The following DNAJC17 variants were observed in gnomAD, a reference collection of about 807,000 sequenced individuals.
DNAJC17 encodes the protein dnaJ homolog subfamily C member 17.
A neutral mutation model predicts 48.1 loss-of-function variants in DNAJC17; 35 were observed. The ratio of observed to expected loss-of-function variants is 0.73; its 90% CI spans 0.56 to 0.96. The LOEUF is 0.96. Among genes scored for constraint, DNAJC17 ranks in the 50% least tolerant of loss-of-function variants. DNAJC17 has a pLI of 0.00. For missense variants in DNAJC17, 355 were observed against 377.1 expected, an observed-to-expected ratio of 0.94 and a Z score of 0.48; for synonymous variants, 117 against 142.7, an observed-to-expected ratio of 0.82 and a Z score of 1.28.
At chr15:40,804,388 G>A (rs570579958) in intron 1 of DNAJC17, among the ~76,000 whole-genome samples, 10 of 151,604 alleles carry the variant, frequency 6.6e-5, no homozygotes, top group African/African-American at 2.2e-4. Context: ...CACCAGCCTG[G>A]GCAATATAGC....
intron 1 of DNAJC17, among the ~76,000 whole-genome samples, chr15:40,784,820 G>A (rs1185724872): frequency 2.0e-5 from 3 of 152,144 alleles, no homozygotes; most frequent in Admixed American, 1.3e-4. Context: ...TCTCTGGGCC[G>A]GGCGTGTTGG....
chr15:40,771,306 GA>G, intron 10 of DNAJC17: 1 of 453,996 alleles, frequency 2.2e-6, no homozygotes, highest in Non-Finnish European at 4.0e-6. Context: ...GCTATGCCGG[GA>G]AAGGGAGGCT....
chr15:40,788,326 G>T (rs1889696327), intron 1 of DNAJC17, among the ~76,000 whole-genome samples: 1 of 152,158 alleles, frequency 6.6e-6, no homozygotes, highest in Admixed American at 6.5e-5. Context: ...ACTTTGGTAG[G>T]CCAAAGCAAG....
At chr15:40,788,073 A>G (rs1428048361) in intron 1 of DNAJC17, among the ~76,000 whole-genome samples, 1 of 152,134 alleles carries the variant, frequency 6.6e-6, no homozygotes, top group Non-Finnish European at 1.5e-5. Context: ...ATCCCGGGTA[A>G]ATCAGCTGGA....
At chr15:40,794,425 A>G (rs1889895468) in intron 1 of DNAJC17, among the ~76,000 whole-genome samples, 1 of 152,184 alleles carries the variant, frequency 6.6e-6, no homozygotes, top group Non-Finnish European at 1.5e-5. Flanking sequence ...TAATCCCAGC[A>G]CTTTGGGAGG....
intron 1 of DNAJC17, chr15:40,792,389 A>G: frequency 1.1e-6 from 1 of 890,014 alleles, no homozygotes; most frequent in African/African-American, 1.8e-5. Context: ...AATAGACTTA[A>G]GCTTTGAGTC....
chr15:40,771,620 T>A (rs1484944245), intron 10 of DNAJC17: 1 of 170,228 alleles, frequency 5.9e-6, no homozygotes, highest in Non-Finnish European at 1.4e-5. Flanking sequence ...TTGAAATAAA[T>A]AAAATTAACA....
intron 1 of DNAJC17, among the ~76,000 whole-genome samples, chr15:40,798,532 C>T (rs1889995778): frequency 6.6e-6 from 1 of 152,180 alleles, no homozygotes; most frequent in African/African-American, 2.4e-5. Flanking sequence ...TTATTTATCA[C>T]AATGTTGTAG....
rs898066174 is a variant in DNAJC17 at position 40,797,562 on chromosome 15, G to A, written c.78+9807C>T. ...CTAGCAGCTGGGATTACAGGCACCC[G>A]CCACCATGCCCAGCTAATTTTTGTA... On this transcript the variant is annotated intron_variant, in intron 1 of 10. Coordinates refer to ENST00000220496, the MANE Select transcript of DNAJC17 (RefSeq NM_018163.3). 1.1e-3 allele frequency among the ~76,000 whole-genome samples: 164 copies of A among 148,362 alleles called. 1 individual carries two copies. In the Middle Eastern group the frequency reaches 0.014, roughly 13 times the overall value.
intron 4 of DNAJC17, 67 bp downstream of exon 4, chr15:40,779,156 G>T: frequency 6.7e-7 from 1 of 1,482,820 alleles, no homozygotes. Flanking sequence ...TGAAGCTTCA[G>T]GTGAGGGAGA....
At chr15:40,792,796 T>C (rs1305626406) in intron 1 of DNAJC17, among the ~76,000 whole-genome samples, 1 of 152,152 alleles carries the variant, frequency 6.6e-6, no homozygotes, top group East Asian at 1.9e-4. Context: ...CTCAGGCTGA[T>C]GCTCACTCGC....
intron 10 of DNAJC17, among the ~76,000 whole-genome samples, chr15:40,772,626 G>A (rs1022721178): frequency 2.0e-5 from 3 of 152,218 alleles, no homozygotes; most frequent in African/African-American, 7.2e-5. Flanking sequence ...GGCAGGCAAC[G>A]GAGCAGGCTG....
intron 1 of DNAJC17, among the ~76,000 whole-genome samples, chr15:40,787,210 T>C (rs951083182): frequency 2.6e-5 from 4 of 152,184 alleles, no homozygotes; most frequent in African/African-American, 9.6e-5. Context: ...TAGGAAGGTA[T>C]GGGGGTTCCC....
intron 1 of DNAJC17, among the ~76,000 whole-genome samples, chr15:40,804,737 C>A (rs1890157439): frequency 6.6e-6 from 1 of 152,256 alleles, no homozygotes; most frequent in Non-Finnish European, 1.5e-5. Flanking sequence ...CGCGGTGGCT[C>A]ACGCCTGTAA....
At position 40,770,724 on chromosome 15, in the gene DNAJC17, C is replaced by T. The variant is rs115347345; in HGVS notation, c.793-2662G>A. ...GGACGAGCAGCCCCGGGCCACCCTG[C>T]TGGCCCCACCCAAGCCCCCACGCCT... On this transcript the variant is annotated intron_variant, in intron 10 of 10. Transcript: ENST00000220496. The surrounding 1 kb of genome is among the most constrained non-coding windows in gnomAD (Gnocchi z 5.0). The T allele has an allele frequency of 0.02, 31,315 of 1,545,790 alleles. 872 individuals carry two copies. The highest frequency in any genetic ancestry group is 0.11 in the African/African-American group (8,277 of 73,128).
At position 40,776,600 on chromosome 15, in the gene DNAJC17, T is replaced by TG; in HGVS notation, c.322dup (p.Gln108ProfsTer6). ...CTCTTCCTCCTCACTCTCCTGGGCC[T>TG]GGGCCTGCCGCTCCCGGGCCTCCAG... On this transcript the variant is annotated frameshift_variant, in exon 5 of 11. Coordinates refer to ENST00000220496, the MANE Select transcript of DNAJC17 (RefSeq NM_018163.3). LOFTEE classifies it high-confidence loss of function. The TG allele has an allele frequency of 3.7e-6, 6 of 1,614,028 alleles. No homozygotes were observed. The highest frequency in any genetic ancestry group is 5.1e-6 in the Non-Finnish European group (6 of 1,180,002).
At chr15:40,793,685 G>A (rs571337562) in intron 1 of DNAJC17, among the ~76,000 whole-genome samples, 1 of 151,968 alleles carries the variant, frequency 6.6e-6, no homozygotes, top group East Asian at 1.9e-4. Context: ...CAAGCTTACA[G>A]TGTAAGGAAG....
chr15:40,800,722 C>T (rs8039942), intron 1 of DNAJC17, among the ~76,000 whole-genome samples: 3,593 of 151,096 alleles, frequency 0.024, 140 homozygotes, highest in African/African-American at 0.083. Flanking sequence ...CACGGTGGCT[C>T]ACGCCTGTAA....
At chr15:40,785,918 C>A (rs1471742695) in intron 1 of DNAJC17, among the ~76,000 whole-genome samples, 43 of 152,206 alleles carry the variant, frequency 2.8e-4, no homozygotes, top group Admixed American at 2.8e-3. Context: ...CTAGTTATTA[C>A]TATATTTAAC....
Sources: allele counts gnomAD v4.1 joint callset (sites outside exome capture counted in the v4.1 genomes callset), GRCh38; gene constraint gnomAD v4.1.1; non-coding constraint Gnocchi (gnomAD v3.1); transcripts MANE v1.5; gene names NCBI Gene and HGNC (gene_info 2026-07-23, HGNC 2026-07-21).